Variants in PPP1R10 observed in about 807,000 individuals in gnomAD.
PPP1R10 encodes the protein protein phosphatase 1 regulatory subunit 10.
A neutral mutation model predicts 99.0 loss-of-function variants in PPP1R10; 15 were observed. The ratio of observed to expected loss-of-function variants is 0.15; its 90% CI spans 0.10 to 0.23. The LOEUF (loss-of-function observed/expected upper bound fraction) is 0.23. Among genes scored for constraint, PPP1R10 ranks in the 10% least tolerant of loss-of-function variants. The pLI, the probability that PPP1R10 is intolerant of heterozygous loss-of-function variation, is 1.00. For synonymous variants in PPP1R10, 430 were observed against 449.5 expected (o/e 0.96, Z 0.55); for missense variants, 947 against 1,259.4 (o/e 0.75, Z 3.75).
At position 30,609,930 on chromosome 6, in the gene PPP1R10, G is replaced by A. The variant is rs1561845595; in HGVS notation, c.15C>T (p.Pro5=). MGSG[P]IDPKELLKGL... is the part of the protein sequence containing the mutation. ...CCTTGAGAAGTTCTTTGGGGTCTAT[G>A]GGACCCGAACCCATGATGGTGGTTT... The change falls in exon 3 of 20, where the codon CCC becomes CCT. Residue 5 remains proline, a synonymous_variant. Coordinates refer to ENST00000376511, the MANE Select transcript of PPP1R10 (RefSeq NM_002714.4). The surrounding 1 kb of genome is among the most constrained non-coding windows in gnomAD (Gnocchi z 4.5). 1.9e-6 allele frequency: 3 copies of A among 1,613,774 alleles called. No individual in the cohort carries two copies. Among genetic ancestry groups the A allele is most frequent in the Non-Finnish European group, 2.5e-6 (3 of 1,179,718 alleles).
chr6:30,601,516 A>C lies in PPP1R10; in HGVS notation c.*33T>G. 1 of 1,573,278 alleles carries C rather than the reference A, an allele frequency of 6.4e-7. No homozygotes were observed. Among genetic ancestry groups the C allele is most frequent in the Non-Finnish European group, 8.7e-7 (1 of 1,143,328 alleles). ...TGGAAAGAGCGAGGCTGCAGTCCAC[A>C]GGGGTTGTGTGAACAGGGCAGGCAA... On this transcript the variant is annotated 3_prime_UTR_variant, in exon 20 of 20. Transcript: ENST00000376511.
In PPP1R10 at chr6:30,602,057, G is replaced by A; in HGVS notation, c.2592C>T (p.Val864=). 11 of 1,563,240 alleles carry A rather than the reference G, an allele frequency of 7.0e-6. No individual in the cohort carries two copies. Among genetic ancestry groups the A allele is most frequent in the Non-Finnish European group, 9.6e-6 (11 of 1,150,880 alleles). The change falls in exon 19 of 20, where the codon GTC becomes GTT. Residue 864 remains valine (V), a synonymous_variant. Transcript: ENST00000376511. This position sits in a 1 kb window ranked among gnomAD's most constrained non-coding sequence, Gnocchi z 6.7. ...GGPHGHRPHD[V]PGHRGHDHRG... is the part of the protein sequence containing the mutation. ...GATGGTCATGGCCTCGGTGACCAGG[G>A]ACATCATGAGGCCGGTGGCCATGGG...
At position 30,604,126 on chromosome 6, in the gene PPP1R10, G is replaced by A; in HGVS notation, c.1390C>T (p.Pro464Ser). 1 of 1,614,020 alleles carries A rather than the reference G, an allele frequency of 6.2e-7. No individual in the cohort carries two copies. The highest frequency in any genetic ancestry group is 1.3e-5 in the African/African-American group (1 of 74,994). Reference sequence around the variant, plus strand: ...GGTGAGGGCAGAACCAGGGGCCGGGGGCACACCCAGGGCACCTTCTCCTCC... The same window carrying A: ...GGTGAGGGCAGAACCAGGGGCCGGGAGCACACCCAGGGCACCTTCTCCTCC... ...NMEEKVPWVC[P>S]RPLVLPSPLV... The change falls in exon 14 of 20, where the codon CCC becomes TCC. Residue 464 changes from proline (P) to serine (S), a missense_variant. Physicochemically the swap from Pro to Ser is moderately conservative, Grantham distance 74. This residue lies in a region of PPP1R10 where 50 missense variants were observed against 78.6 expected (regional missense o/e 0.64). Transcript: ENST00000376511. The surrounding 1 kb of genome is among the most constrained non-coding windows in gnomAD (Gnocchi z 7.3).
At chr6:30,614,354 A>G (rs1014509558) in intron 2 of PPP1R10, among the ~76,000 whole-genome samples, 1 of 152,034 alleles carries the variant, frequency 6.6e-6, no homozygotes, top group African/African-American at 2.4e-5. Context: ...TTTGCTTACC[A>G]GAAACCGTAG....
chr6:30,607,805 G>A, intron 6 of PPP1R10, 35 bp downstream of exon 6: 1 of 1,593,516 alleles, frequency 6.3e-7, no homozygotes, highest in Non-Finnish European at 8.6e-7. Flanking sequence ...AAGTAATAGA[G>A]AAAAGCCCAT....
Position 30,601,376 on chromosome 6 carries a change from A to G in PPP1R10, c.*173T>C. 1.7e-6 allele frequency: 1 copy of G among 605,302 alleles called. No individual in the cohort carries two copies. Among genetic ancestry groups the G allele is most frequent in the East Asian group, 2.8e-5 (1 of 36,096 alleles). The allele number at this position is 605,302 out of a possible 1,614,324, so 37.5% of individuals were successfully genotyped here. On this transcript the variant is annotated 3_prime_UTR_variant, in exon 20 of 20. Transcript: ENST00000376511. ...AGACTGGAGGAAAATATGTACATCAATGCGCACCAGTGATCAGAAAACCCC... is the reference window on the plus strand; with the variant it reads ...AGACTGGAGGAAAATATGTACATCAGTGCGCACCAGTGATCAGAAAACCCC...
intron 4 of PPP1R10, 22 bp from the exon 5 acceptor site, chr6:30,608,936 T>G (rs1293157373): frequency 6.2e-7 from 1 of 1,614,050 alleles, no homozygotes; most frequent in Non-Finnish European, 8.5e-7. Context: ...CAGGAGAGTC[T>G]ATCAGTAATG....
rs1451219742 is a variant in PPP1R10, at chr6:30,600,762, C to G, written c.*787G>C. On this transcript the variant is annotated 3_prime_UTR_variant, in exon 20 of 20. Transcript: ENST00000376511. ...TGACTTTCAGGCCCAGCACGCCGGG[C>G]CCAAGTTGATGAGAAGCTGGTCTCA... The G allele has an allele frequency of 6.6e-6, 1 of 152,582 alleles. No individual in the cohort carries two copies. Among genetic ancestry groups the G allele is most frequent in the Non-Finnish European group, 1.5e-5 (1 of 68,066 alleles). 9.5% of individuals were successfully genotyped at this position (152,582 alleles called of 1,614,324 possible).
chr6:30,607,532 G>A (rs998624225), intron 6 of PPP1R10, among the ~76,000 whole-genome samples: 1 of 152,038 alleles, frequency 6.6e-6, no homozygotes, highest in African/African-American at 2.4e-5. Context: ...GATGAGACAC[G>A]CTAGGATGAT....
In PPP1R10 at chr6:30,602,520, C is replaced by T. The variant is rs747883821; in HGVS notation, c.2129G>A (p.Arg710Gln). 20 of 1,568,630 alleles carry T rather than the reference C, an allele frequency of 1.3e-5. No homozygotes were observed. The highest frequency in any genetic ancestry group is 2.3e-5 in the South Asian group (2 of 85,810). ...AGGAGGAGGAGGTTCGTTTCCTCCT[C>T]GGCCACCTCGGCCTCTATGGTATGG... ...PGPYHRGRGG[R>Q]GGNEPPPPPP... Residue 710 changes from arginine to glutamine, a missense_variant, in exon 19 of 20, where the codon CGA becomes CAA. Physicochemically the swap from Arg to Gln is conservative, Grantham distance 43. Around this residue, in one of 10 missense-constraint regions of PPP1R10, gnomAD observed 525 missense variants for 578.8 expected, o/e 0.91. Coordinates refer to ENST00000376511, the MANE Select transcript of PPP1R10 (RefSeq NM_002714.4). The surrounding 1 kb of genome is among the most constrained non-coding windows in gnomAD (Gnocchi z 6.7).
At chr6:30,607,991 TTTTTTTTTA>T in intron 5 of PPP1R10, 100 bp from the exon 6 acceptor site, 1 of 1,231,856 alleles carries the variant, frequency 8.1e-7, no homozygotes, top group Non-Finnish European at 1.1e-6. Flanking sequence ...TGCTTTTTTT[TTTTTTTTTA>T]TTTTTTGAGA....
At chr6:30,612,704 T>C (rs2127449995) in intron 2 of PPP1R10, among the ~76,000 whole-genome samples, 1 of 152,290 alleles carries the variant, frequency 6.6e-6, no homozygotes, top group Admixed American at 6.5e-5. Flanking sequence ...CCCAAGTGTC[T>C]TATAACCTAG....
In PPP1R10 at chr6:30,604,596, A is replaced by T. The variant is rs1418650072; in HGVS notation, c.1094T>A (p.Met365Lys). Residue 365 changes from methionine (M) to lysine (K), a missense_variant, in exon 12 of 20, where the codon ATG (methionine) becomes AAG (lysine). Coordinates refer to ENST00000376511, the MANE Select transcript of PPP1R10 (RefSeq NM_002714.4). The surrounding 1 kb of genome is among the most constrained non-coding windows in gnomAD (Gnocchi z 7.3). ...PVPPVEVPELMDTASLEPGAL... is the reference protein window; with the variant it reads ...PVPPVEVPELKDTASLEPGAL... ...ACCAGTTTCTAGATTACCTGTATCC[A>T]TGAGCTCCGGGACTTCAACAGGGGG... 31 of 1,612,922 alleles carry T rather than the reference A, an allele frequency of 1.9e-5. No homozygotes were observed. The highest frequency in any genetic ancestry group is 2.7e-5 in the African/African-American group (2 of 74,904).
chr6:30,615,368 T>C (rs375133192), intron 2 of PPP1R10, among the ~76,000 whole-genome samples: 120 of 152,260 alleles, frequency 7.9e-4, no homozygotes, highest in African/African-American at 2.5e-3. Context: ...AAGAACTGAA[T>C]TTGCAACGGA....
chr6:30,602,753 AACC>A lies in PPP1R10; in HGVS notation c.1958-65_1958-63del, dbSNP rs1803498783. On this transcript the variant is annotated intron_variant, in intron 18 of 19. Coordinates refer to ENST00000376511, the MANE Select transcript of PPP1R10 (RefSeq NM_002714.4). This position sits in a 1 kb window ranked among gnomAD's most constrained non-coding sequence, Gnocchi z 6.7. ...CCAGGAACTGCCATCTCCCAACCTA[AACC>A]ACCACCTCCCACCTTCCAGTCAATC... is the stretch of plus-strand genomic sequence containing the variant. The A allele has an allele frequency of 1.3e-6, 2 of 1,571,038 alleles. No homozygotes were observed. Among genetic ancestry groups the A allele is most frequent in the Non-Finnish European group, 8.7e-7 (1 of 1,155,234 alleles).
chr6:30,616,373 CTATT>C (rs2127457087), intron 2 of PPP1R10, 101 bp downstream of exon 2: 1 of 152,742 alleles, frequency 6.5e-6, no homozygotes, highest in Admixed American at 6.5e-5. Context: ...CTCCAGTTCT[CTATT>C]TGTTCTATGG....
chr6:30,604,970 A>T lies in PPP1R10; in HGVS notation c.954+24T>A. ...CTTTACCTTTTATACTCTGTCACTG[A>T]AACCTACTTCTGGGAGCCCATACCT... On this transcript the variant is annotated intron_variant, in intron 11 of 19. Coordinates refer to ENST00000376511, the MANE Select transcript of PPP1R10 (RefSeq NM_002714.4). This position sits in a 1 kb window ranked among gnomAD's most constrained non-coding sequence, Gnocchi z 7.3. The T allele has an allele frequency of 6.2e-7, 1 of 1,605,804 alleles. No homozygotes were observed. The highest frequency in any genetic ancestry group is 8.5e-7 in the Non-Finnish European group (1 of 1,173,466).
At chr6:30,611,435 A>G (rs1410445738) in intron 2 of PPP1R10, among the ~76,000 whole-genome samples, 1 of 152,250 alleles carries the variant, frequency 6.6e-6, no homozygotes, top group Non-Finnish European at 1.5e-5. Flanking sequence ...TCCTACATCT[A>G]GCACAGAAGT....
chr6:30,608,679 C>T lies in PPP1R10; in HGVS notation c.330+100G>A, dbSNP rs185308026. On this transcript the variant is annotated intron_variant, in intron 5 of 19. Transcript: ENST00000376511. The stretch of plus-strand genomic sequence containing the variant: ...TCCTATTTTTTTTCTGCTGTTCTAC[C>T]TCACAGGCCCAAGATTACAGCCACA... 182 of 1,397,742 alleles carry T rather than the reference C, an allele frequency of 1.3e-4. No homozygotes were observed. The African/African-American group carries it at 2.2e-3, about 17-fold the overall frequency. 86.6% of individuals were successfully genotyped at this position (1,397,742 alleles called of 1,614,324 possible). A position where few individuals can be genotyped will look rare whatever the true frequency, so the allele number is the denominator to read the frequency against.
Sources: allele counts gnomAD v4.1 joint callset (sites outside exome capture counted in the v4.1 genomes callset), GRCh38; gene constraint gnomAD v4.1.1; regional missense constraint gnomAD v4.1.1; non-coding constraint Gnocchi (gnomAD v3.1); transcripts MANE v1.5; gene names NCBI Gene and HGNC (gene_info 2026-07-23, HGNC 2026-07-21).